VMP1: variants seen among roughly 807,000 people sequenced by gnomAD.
The protein encoded by VMP1 is vacuole membrane protein 1.
Under a neutral mutation model 56.0 loss-of-function variants are expected in VMP1, and 11 were observed. The ratio of observed to expected loss-of-function variants is 0.20; its 90% CI spans 0.12 to 0.32. VMP1 has a LOEUF of 0.32. Ranked by LOEUF, VMP1 falls within the 10% of genes least tolerant of loss-of-function variation. The probability of loss-of-function intolerance (pLI) is 1.00; values close to 1 mark genes in which losing one functional copy is unlikely to be tolerated. For synonymous variants in VMP1, 149 were observed against 165.0 expected (o/e 0.90, Z 0.74); for missense variants, 296 against 490.3 (o/e 0.60, Z 3.74).
At chr17:59,788,498 G>A (rs1223971178) in intron 7 of VMP1, among the ~76,000 whole-genome samples, 27 of 143,128 alleles carry the variant, frequency 1.9e-4, no homozygotes, top group Non-Finnish European at 4.0e-4. Flanking sequence ...AAAAAAAAAA[G>A]AAGAAAAAAG....
chr17:59,764,333 A>T (rs1598358051), intron 5 of VMP1, among the ~76,000 whole-genome samples: 1 of 151,484 alleles, frequency 6.6e-6, no homozygotes, highest in Non-Finnish European at 1.5e-5. Flanking sequence ...AACACAAGGG[A>T]TTTTTTTTTA....
intron 1 of VMP1, among the ~76,000 whole-genome samples, chr17:59,725,875 CCT>C (rs1369037389): frequency 1.3e-5 from 2 of 152,064 alleles, no homozygotes; most frequent in Non-Finnish European, 2.9e-5. Flanking sequence ...AATGAAAACC[CCT>C]GTTGCAATAG....
chr17:59,804,576 C>T (rs1033647355), intron 7 of VMP1, among the ~76,000 whole-genome samples: 1 of 133,128 alleles, frequency 7.5e-6, no homozygotes, highest in African/African-American at 2.9e-5. Flanking sequence ...GATCGCACCA[C>T]TTCACTCACT....
chr17:59,720,822 C>T (rs8064521), intron 1 of VMP1, among the ~76,000 whole-genome samples: 20 of 151,778 alleles, frequency 1.3e-4, no homozygotes, highest in African/African-American at 4.8e-4. Flanking sequence ...AAATACAAAA[C>T]ATTAGCCAGG....
chr17:59,780,796 C>T (rs530613500), intron 7 of VMP1, among the ~76,000 whole-genome samples: 1 of 152,202 alleles, frequency 6.6e-6, no homozygotes, highest in African/African-American at 2.4e-5. Context: ...CCATGTTGGC[C>T]AGGCTGGTCT....
intron 5 of VMP1, among the ~76,000 whole-genome samples, chr17:59,750,715 T>C (rs1182375728): frequency 6.6e-6 from 1 of 152,174 alleles, no homozygotes; most frequent in African/African-American, 2.4e-5. Flanking sequence ...TTAAATAAAT[T>C]AGAAATTAAT....
At chr17:59,813,875 T>C (rs1486345096) in intron 9 of VMP1, among the ~76,000 whole-genome samples, 2 of 152,236 alleles carry the variant, frequency 1.3e-5, no homozygotes, top group Non-Finnish European at 2.9e-5. Context: ...ATAAGTACCC[T>C]ATCTGTAGTG....
At chr17:59,837,608 T>C (rs2039022258) in intron 10 of VMP1, 1 of 152,240 alleles carries the variant, frequency 6.6e-6, no homozygotes, top group South Asian at 2.1e-4. Flanking sequence ...GCAAACTGTC[T>C]ACCATAAACC....
chr17:59,724,061 A>C (rs8080483), intron 1 of VMP1, among the ~76,000 whole-genome samples: 38,161 of 151,780 alleles, frequency 0.25, 5,130 homozygotes, highest in East Asian at 0.44. Flanking sequence ...AAAATACAAA[A>C]ATTAGCTGGA....
At chr17:59,749,335 G>T (rs886856306) in intron 5 of VMP1, among the ~76,000 whole-genome samples, 3 of 151,828 alleles carry the variant, frequency 2.0e-5, no homozygotes, top group African/African-American at 7.3e-5. Flanking sequence ...GAGAGTAAAA[G>T]AATTATAAGA....
At chr17:59,724,869 G>A (rs1404198416) in intron 1 of VMP1, among the ~76,000 whole-genome samples, 1 of 152,058 alleles carries the variant, frequency 6.6e-6, no homozygotes, top group Admixed American at 6.6e-5. Flanking sequence ...GGGAGGCTGA[G>A]GCAGGAGAAT....
intron 7 of VMP1, among the ~76,000 whole-genome samples, chr17:59,788,941 CTT>C (rs60173361): frequency 2.8e-5 from 4 of 143,718 alleles, no homozygotes; most frequent in Admixed American, 1.4e-4. Context: ...AAACTAAAGT[CTT>C]TTTTTTTTTT....
chr17:59,727,774 A>C (rs1389571045), intron 1 of VMP1, among the ~76,000 whole-genome samples: 1 of 152,248 alleles, frequency 6.6e-6, no homozygotes, highest in Non-Finnish European at 1.5e-5. Context: ...ATTTATAGTC[A>C]CACATGCATG....
chr17:59,771,306 G>A (rs1043981306), intron 6 of VMP1, among the ~76,000 whole-genome samples: 4 of 151,884 alleles, frequency 2.6e-5, no homozygotes, highest in Non-Finnish European at 5.9e-5. Flanking sequence ...CTGAATAGCT[G>A]GGACTAAAGG....
At chr17:59,776,210 TAAAA>T (rs10548749) in intron 7 of VMP1, among the ~76,000 whole-genome samples, 21,823 of 150,924 alleles carry the variant, frequency 0.14, 2,037 homozygotes, top group African/African-American at 0.26. Context: ...AGACCCCACC[TAAAA>T]AAAAACAAGA....
At chr17:59,737,337 A>T in intron 3 of VMP1, 116 bp from the exon 4 acceptor site, 1 of 905,122 alleles carries the variant, frequency 1.1e-6, no homozygotes, top group Non-Finnish European at 1.6e-6. Flanking sequence ...TGTAAGGAAA[A>T]GAGCTCAGCC....
At chr17:59,718,904 A>G (rs2034280029) in intron 1 of VMP1, among the ~76,000 whole-genome samples, 1 of 152,016 alleles carries the variant, frequency 6.6e-6, no homozygotes, top group African/African-American at 2.4e-5. Flanking sequence ...TCACATTATT[A>G]TGAATTTTCA....
chr17:59,750,821 C>A (rs1270294210), intron 5 of VMP1, among the ~76,000 whole-genome samples: 1 of 151,400 alleles, frequency 6.6e-6, no homozygotes, highest in African/African-American at 2.4e-5. Flanking sequence ...TTTTGCCTAG[C>A]AAGTAGTGCA....
chr17:59,728,348 T>TAACTGTTCAGTTACCTA (rs2034688762), intron 1 of VMP1, among the ~76,000 whole-genome samples: 1 of 152,220 alleles, frequency 6.6e-6, no homozygotes, highest in Non-Finnish European at 1.5e-5. Flanking sequence ...TCAGTTAGTA[T>TAACTGTTCAGTTACCTA]TTGTTCAGTG....
Sources: allele counts gnomAD v4.1 joint callset (sites outside exome capture counted in the v4.1 genomes callset), GRCh38; gene constraint gnomAD v4.1.1; transcripts MANE v1.5; gene names NCBI Gene and HGNC (gene_info 2026-07-23, HGNC 2026-07-21).